The following GABPB1 variants were observed in gnomAD, a reference collection of about 807,000 sequenced individuals.
The protein encoded by GABPB1 is GA-binding protein subunit beta-1.
GABPB1 carries 15 observed loss-of-function variants against 45.9 expected under a neutral mutation model. That is an observed-to-expected ratio of 0.33 (90% CI 0.22 to 0.50). The LOEUF (loss-of-function observed/expected upper bound fraction) is 0.50. Among genes scored for constraint, GABPB1 ranks in the 20% least tolerant of loss-of-function variants. The pLI is 0.98. For synonymous variants in GABPB1, 143 were observed against 154.4 expected (o/e 0.93, Z 0.55); for missense variants, 252 against 457.5 (o/e 0.55, Z 4.10).
chr15:50,326,052 C>T (rs942039613), intron 1 of GABPB1, among the ~76,000 whole-genome samples: 44 of 131,590 alleles, frequency 3.3e-4, no homozygotes, highest in Non-Finnish European at 6.1e-4. Context: ...GGAATATAGG[C>T]GCCCACCACC....
intron 6 of GABPB1, 151 bp downstream of exon 6, chr15:50,300,638 T>C (rs1199098568): frequency 1.9e-6 from 1 of 537,736 alleles, no homozygotes; most frequent in Non-Finnish European, 3.4e-6. Flanking sequence ...AGAAACAGAG[T>C]TTCACTATGT....
At chr15:50,331,156 A>G (rs2047934704) in intron 1 of GABPB1, among the ~76,000 whole-genome samples, 1 of 152,214 alleles carries the variant, frequency 6.6e-6, no homozygotes, top group Non-Finnish European at 1.5e-5. Flanking sequence ...ATCTTGAAAG[A>G]AGGCAGAAAC....
intron 1 of GABPB1, among the ~76,000 whole-genome samples, chr15:50,311,710 A>T (rs2047137359): frequency 1.3e-5 from 2 of 152,196 alleles, no homozygotes; most frequent in Non-Finnish European, 2.9e-5. Flanking sequence ...AATAAGGAAG[A>T]GAAAGGAGCG....
At chr15:50,339,642 TA>T (rs1475606095) in intron 1 of GABPB1, among the ~76,000 whole-genome samples, 1 of 152,176 alleles carries the variant, frequency 6.6e-6, no homozygotes, top group Non-Finnish European at 1.5e-5. Context: ...ATTATGACTA[TA>T]AAATTAGTCA....
intron 1 of GABPB1, chr15:50,353,037 A>G (rs901290294): frequency 2.6e-5 from 4 of 152,176 alleles, no homozygotes; most frequent in African/African-American, 9.7e-5. Flanking sequence ...ACCTCCTATA[A>G]TTTTCAACAT....
intron 6 of GABPB1, among the ~76,000 whole-genome samples, chr15:50,291,563 T>C (rs1409724550): frequency 6.6e-6 from 1 of 151,380 alleles, no homozygotes; most frequent in Non-Finnish European, 1.5e-5. Context: ...CCTGACCTTG[T>C]GATCCGCCTG....
chr15:50,354,477 C>T (rs1448365647), intron 1 of GABPB1: 2 of 447,840 alleles, frequency 4.5e-6, no homozygotes, highest in Admixed American at 4.7e-5. Flanking sequence ...CCGCCCGTTC[C>T]CCTCTCCGGA....
chr15:50,304,656 A>G (rs1044259354), intron 2 of GABPB1, among the ~76,000 whole-genome samples: 5 of 151,404 alleles, frequency 3.3e-5, no homozygotes, highest in African/African-American at 1.2e-4. Flanking sequence ...GGTTGCAGTG[A>G]GCCGAGATCG....
intron 1 of GABPB1, among the ~76,000 whole-genome samples, chr15:50,318,774 A>G (rs1400736858): frequency 6.6e-6 from 1 of 152,210 alleles, no homozygotes; most frequent in Non-Finnish European, 1.5e-5. Context: ...TGCGTTAATG[A>G]CGGATACAAG....
chr15:50,276,319 C>G lies in GABPB1; in HGVS notation c.*2313G>C, dbSNP rs2045838419. On this transcript the variant is annotated 3_prime_UTR_variant, in exon 9 of 9. Transcript: ENST00000380877. ...AAAGCTTTTACAGCCCACCTGAAAA[C>G]AGCATGAAATAAGTGAAGGGAAGAA... 6.6e-6 allele frequency: 1 copy of G among 152,184 alleles called. No individual in the cohort carries two copies. The highest frequency in any genetic ancestry group is 6.5e-5 in the Admixed American group (1 of 15,282). The allele number at this position is 152,184 out of a possible 1,614,324, so 9.4% of individuals were successfully genotyped here.
chr15:50,288,317 A>C (rs2140982972), intron 7 of GABPB1, among the ~76,000 whole-genome samples: 1 of 152,258 alleles, frequency 6.6e-6, no homozygotes, highest in South Asian at 2.1e-4. Context: ...TAGCATTCCA[A>C]AGTGCTGGGA....
At position 50,300,429 on chromosome 15, in the gene GABPB1, GTTTTTGGTTTTT is replaced by G. The variant is rs1389684782; in HGVS notation, c.697+348_697+359del. ...TTTGTAAATATTTGAATCTGCAACT[GTTTTTGGTTTTT>G]TTTTTTTTTTTTTTTTTTTGAGACA... On this transcript the variant is annotated intron_variant, in intron 6 of 8. Coordinates refer to ENST00000380877, the MANE Select transcript of GABPB1 (RefSeq NM_016654.5). 3.8e-3 allele frequency among the ~76,000 whole-genome samples: 277 copies of G among 72,168 alleles called. 7 individuals carry two copies. The highest frequency in any genetic ancestry group is 0.013 in the African/African-American group (263 of 19,558). 47.3% of individuals were successfully genotyped at this position (72,168 alleles called of 152,430 possible).
chr15:50,292,174 C>T (rs927590119), intron 6 of GABPB1, among the ~76,000 whole-genome samples: 4 of 151,150 alleles, frequency 2.6e-5, no homozygotes, highest in Non-Finnish European at 4.4e-5. Context: ...ATTAGCCGGG[C>T]GCGGTGGTGG....
intron 1 of GABPB1, among the ~76,000 whole-genome samples, chr15:50,344,607 G>A (rs893108301): frequency 3.9e-5 from 6 of 152,202 alleles, no homozygotes; most frequent in East Asian, 1.9e-4. Context: ...TTGGGAGGCC[G>A]AGGAGGGCGG....
Position 50,300,436 on chromosome 15 carries a change from G to GTTTTTTTTTTTTTTTTTTTTTT in GABPB1, c.697+331_697+352dup, listed in dbSNP as rs1297157973. Among the ~76,000 whole-genome samples, 7 of 40,806 alleles carry GTTTTTTTTTTTTTTTTTTTTTT rather than the reference G, an allele frequency of 1.7e-4. 2 individuals are homozygous for GTTTTTTTTTTTTTTTTTTTTTT. The highest frequency in any genetic ancestry group is 2.7e-4 in the African/African-American group (2 of 7,502). 26.8% of individuals were successfully genotyped at this position (40,806 alleles called of 152,430 possible). ...ATATTTGAATCTGCAACTGTTTTTG[G>GTTTTTTTTTTTTTTTTTTTTTT]TTTTTTTTTTTTTTTTTTTTTTTTG... is the stretch of plus-strand genomic sequence containing the variant. On this transcript the variant is annotated intron_variant, in intron 6 of 8. Transcript: ENST00000380877.
rs1188707495 is a variant in GABPB1, at chr15:50,276,204, G to A, written c.*2428C>T. On this transcript the variant is annotated 3_prime_UTR_variant, in exon 9 of 9. Coordinates refer to ENST00000380877, the MANE Select transcript of GABPB1 (RefSeq NM_016654.5). ...ACTATGTAGTGGAAACAATTATGTG[G>A]ATTTCTGAAAACTTTTATTTCATAT... The A allele has an allele frequency of 1.3e-5, 2 of 152,180 alleles. No homozygotes were observed. Among genetic ancestry groups the A allele is most frequent in the East Asian group, 1.9e-4 (1 of 5,198 alleles). The allele number at this position is 152,180 out of a possible 1,614,324, so 9.4% of individuals were successfully genotyped here.
intron 1 of GABPB1, among the ~76,000 whole-genome samples, chr15:50,348,188 A>C (rs2048672634): frequency 6.6e-6 from 1 of 152,234 alleles, no homozygotes; most frequent in African/African-American, 2.4e-5. Flanking sequence ...TATGTAATAT[A>C]ATCACAGCAT....
intron 1 of GABPB1, among the ~76,000 whole-genome samples, chr15:50,340,638 T>C (rs1044372221): frequency 6.6e-6 from 1 of 151,968 alleles, no homozygotes; most frequent in Non-Finnish European, 1.5e-5. Context: ...TTCCTATTAG[T>C]TCACAGAAAG....
chr15:50,343,342 C>G (rs2048451591), intron 1 of GABPB1, among the ~76,000 whole-genome samples: 2 of 152,264 alleles, frequency 1.3e-5, no homozygotes, highest in South Asian at 4.1e-4. Context: ...CCCTTAGTCA[C>G]TGTGCTCTAG....
Sources: allele counts gnomAD v4.1 joint callset (sites outside exome capture counted in the v4.1 genomes callset), GRCh38; gene constraint gnomAD v4.1.1; transcripts MANE v1.5; gene names NCBI Gene and HGNC (gene_info 2026-07-23, HGNC 2026-07-21).